NCAPG: variants seen among roughly 807,000 people sequenced by gnomAD.
NCAPG encodes the protein condensin complex subunit 3.
A neutral mutation model predicts 113.1 loss-of-function variants in NCAPG; 69 were observed. The ratio of observed to expected loss-of-function variants is 0.61; its 90% CI spans 0.50 to 0.75. The LOEUF (loss-of-function observed/expected upper bound fraction) is 0.75, where lower values mean the gene tolerates loss of function less well. NCAPG is among the 30% of genes least tolerant of loss of function. The pLI, the probability that NCAPG is intolerant of heterozygous loss-of-function variation, is 0.00. For missense variants in NCAPG, 1,058 were observed against 1,177.0 expected (o/e 0.90, Z 1.48); for synonymous variants, 370 against 415.8 (o/e 0.89, Z 1.34).
In NCAPG at chr4:17,818,108, G is replaced by A. The variant is rs1192151885; in HGVS notation, c.1118+20G>A. On this transcript the variant is annotated intron_variant, in intron 7 of 20. Coordinates refer to ENST00000251496, the MANE Select transcript of NCAPG (RefSeq NM_022346.5). ...ATTGAGGTAAATTTTTTTTCTTTTA[G>A]TTTGGAGAGTGATTGTGTTGCTGCA... 2.5e-6 allele frequency: 4 copies of A among 1,588,580 alleles called. No individual in the cohort carries two copies. The highest frequency in any genetic ancestry group is 3.4e-6 in the Non-Finnish European group (4 of 1,169,232).
intron 14 of NCAPG, among the ~76,000 whole-genome samples, chr4:17,835,803 C>T (rs1366675203): frequency 6.6e-6 from 1 of 152,110 alleles, no homozygotes; most frequent in Non-Finnish European, 1.5e-5. Context: ...ATCAGTACTC[C>T]GTTCCTTTTT....
intron 14 of NCAPG, among the ~76,000 whole-genome samples, chr4:17,836,380 T>C (rs1722092617): frequency 6.6e-6 from 1 of 152,230 alleles, no homozygotes; most frequent in Admixed American, 6.5e-5. Context: ...GTAACTTTTA[T>C]TTTACAGGTT....
intron 11 of NCAPG, among the ~76,000 whole-genome samples, chr4:17,827,675 G>T (rs570551311): frequency 2.0e-5 from 3 of 151,946 alleles, no homozygotes; most frequent in South Asian, 2.1e-4. Context: ...ACATCAAGAG[G>T]AAATGTCTTT....
At chr4:17,835,570 C>T (rs1482962982) in intron 14 of NCAPG, among the ~76,000 whole-genome samples, 2 of 152,196 alleles carry the variant, frequency 1.3e-5, no homozygotes, top group African/African-American at 2.4e-5. Flanking sequence ...CCTTTATCAT[C>T]TAATTTAAAA....
At chr4:17,826,233 T>C (rs1041569694) in intron 11 of NCAPG, among the ~76,000 whole-genome samples, 2 of 152,152 alleles carry the variant, frequency 1.3e-5, no homozygotes, top group African/African-American at 4.8e-5. Context: ...TAGGTATCAA[T>C]TAATATTTGA....
intron 7 of NCAPG, among the ~76,000 whole-genome samples, chr4:17,822,755 G>A (rs762662256): frequency 6.6e-6 from 1 of 152,116 alleles, no homozygotes; most frequent in Non-Finnish European, 1.5e-5. Context: ...GAAAATTTGA[G>A]TCATTATTGA....
chr4:17,841,083 C>CTTA (rs1722354979), intron 19 of NCAPG: 1 of 152,598 alleles, frequency 6.6e-6, no homozygotes, highest in Admixed American at 6.6e-5. Context: ...CTATTCCCAT[C>CTTA]TTATTTCATA....
rs753976951 is a variant in NCAPG at position 17,828,308 on chromosome 4, A to G, written c.1684A>G (p.Ile562Val). 1.9e-6 allele frequency: 3 copies of G among 1,610,890 alleles called. No homozygotes were observed. The highest frequency in any genetic ancestry group is 2.5e-6 in the Non-Finnish European group (3 of 1,178,344). The change falls in exon 12 of 21, where the codon ATT becomes GTT. Residue 562 changes from isoleucine to valine, a missense_variant. Physicochemically the swap from Ile to Val is conservative, Grantham distance 29 (BLOSUM62 3). Transcript: ENST00000251496. Reference sequence around the variant, plus strand: ...TGCTGAAACATTGCAGAAATGTCTTATTTTATGCTATGAACTGTTGAAGCA... The same window carrying G: ...TGCTGAAACATTGCAGAAATGTCTTGTTTTATGCTATGAACTGTTGAAGCA... The part of the protein sequence containing the change: ...NDAETLQKCL[I>V]LCYELLKQMS...
intron 16 of NCAPG, 78 bp downstream of exon 16, chr4:17,837,879 G>T: frequency 6.6e-7 from 1 of 1,511,154 alleles, no homozygotes; most frequent in Admixed American, 1.8e-5. Flanking sequence ...GAAATACTGA[G>T]GAACTGCATT....
intron 13 of NCAPG, among the ~76,000 whole-genome samples, chr4:17,833,632 A>G (rs997879135): frequency 6.6e-6 from 1 of 151,494 alleles, no homozygotes; most frequent in Non-Finnish European, 1.5e-5. Flanking sequence ...CTATATATAT[A>G]TATTTTTTGT....
rs1416717748 is a variant in NCAPG, at chr4:17,840,755, T to C, written c.2854+62T>C. On this transcript the variant is annotated intron_variant, in intron 19 of 20. Coordinates refer to ENST00000251496, the MANE Select transcript of NCAPG (RefSeq NM_022346.5). ...TTAAATTTTATCTTCCAATGAAAAA[T>C]ACTTGTTTTGCAAGTTTTCTTATCT... 12 of 1,124,974 alleles carry C rather than the reference T, an allele frequency of 1.1e-5. No individual in the cohort carries two copies. In the Admixed American group the frequency reaches 1.7e-4, roughly 16 times the overall value. 69.7% of individuals were successfully genotyped at this position (1,124,974 alleles called of 1,614,324 possible).
At chr4:17,842,993 T>G (rs1722564229) in intron 20 of NCAPG, 1 of 180,308 alleles carries the variant, frequency 5.5e-6, no homozygotes, top group Admixed American at 5.8e-5. Context: ...CAAAGAAATC[T>G]CTTTTGGACA....
chr4:17,817,526 C>A, intron 6 of NCAPG, 73 bp downstream of exon 6: 2 of 1,217,956 alleles, frequency 1.6e-6, no homozygotes, highest in Non-Finnish European at 2.3e-6. Flanking sequence ...TTTTCCTCCC[C>A]ATAGCTTAAG....
intron 5 of NCAPG, among the ~76,000 whole-genome samples, chr4:17,816,153 G>A (rs576154201): frequency 5.9e-5 from 9 of 151,990 alleles, no homozygotes; most frequent in African/African-American, 1.9e-4. Context: ...CACAGAGGGC[G>A]GGCTGGATGG....
intron 19 of NCAPG, chr4:17,841,244 C>T (rs1722371858): frequency 6.6e-6 from 1 of 151,840 alleles, no homozygotes; most frequent in South Asian, 2.1e-4. Context: ...GCAATGCATG[C>T]TTATTACAGA....
intron 13 of NCAPG, among the ~76,000 whole-genome samples, chr4:17,832,969 G>C (rs1721921656): frequency 6.6e-6 from 1 of 152,118 alleles, no homozygotes; most frequent in Non-Finnish European, 1.5e-5. Flanking sequence ...TTCTTTAAAA[G>C]TTTTGAAAAA....
rs762422421 is a variant in NCAPG, at chr4:17,818,020, A to G, written c.1050A>G (p.Gly350=). 49 of 1,613,658 alleles carry G rather than the reference A, an allele frequency of 3.0e-5. No individual in the cohort carries two copies. Among genetic ancestry groups the G allele is most frequent in the Non-Finnish European group, 3.9e-5 (46 of 1,179,814 alleles). The change falls in exon 7 of 21, where the codon GGA becomes GGG. Residue 350 remains glycine (G), a synonymous_variant. Transcript: ENST00000251496. ...TTTGTGAATATTTGAAATCAAAAGG[A>G]GATGAAGGTGAAGAATTTTTAGAGC... ...CALCEYLKSK[G]DEGEEFLEQI...
intron 3 of NCAPG, among the ~76,000 whole-genome samples, chr4:17,813,541 A>AT (rs1721080600): frequency 6.6e-6 from 1 of 152,060 alleles, no homozygotes; most frequent in Admixed American, 6.5e-5. Flanking sequence ...TGTTTTGCCC[A>AT]TTTTTTCATT....
chr4:17,820,865 T>TAA (rs542942690), intron 7 of NCAPG, among the ~76,000 whole-genome samples: 27 of 152,290 alleles, frequency 1.8e-4, no homozygotes, highest in African/African-American at 5.5e-4. Flanking sequence ...GGTGCTCACT[T>TAA]AAAGAGCAAA....
Sources: gnomAD v4.1 joint callset for allele counts (sites outside exome capture counted in the v4.1 genomes callset) on GRCh38, gnomAD v4.1.1 for gene constraint, MANE v1.5 for transcripts, NCBI Gene and HGNC (gene_info 2026-07-23, HGNC 2026-07-21) for gene names.